RGS7: variants seen among roughly 807,000 people sequenced by gnomAD.
RGS7 encodes regulator of G protein signaling 7, also known as regulator of G-protein signaling 7.
RGS7 carries 27 observed loss-of-function variants against 81.1 expected under a neutral mutation model. The observed-to-expected ratio is 0.33, with a 90% CI of 0.25 to 0.46. RGS7 has a LOEUF of 0.46. RGS7 is among the 20% of genes least tolerant of loss of function. The pLI is 1.00. For synonymous variants in RGS7, 208 were observed against 207.7 expected, an observed-to-expected ratio of 1.00 and a Z score of -0.01; for missense variants, 396 against 607.4, an observed-to-expected ratio of 0.65 and a Z score of 3.66.
At position 241,207,182 on chromosome 1, in the gene RGS7, T is replaced by G. The variant is rs1433635565; in HGVS notation, c.79-108420A>C. Among the ~76,000 whole-genome samples the G allele has an allele frequency of 5.9e-5, 9 of 151,534 alleles. No individual in the cohort carries two copies. The Middle Eastern group carries it at 0.014, about 229-fold the overall frequency. Reference sequence around the variant, plus strand: ...CGGGGTTTCACCGTGTTAGCCAGGTTGGTCTCAATCTCCCGACCTCGTGAT... The same window carrying G: ...CGGGGTTTCACCGTGTTAGCCAGGTGGGTCTCAATCTCCCGACCTCGTGAT... On this transcript the variant is annotated intron_variant, in intron 2 of 18. Transcript: ENST00000440928.
At chr1:241,048,047 A>T (rs1371220699) in intron 3 of RGS7, among the ~76,000 whole-genome samples, 2 of 152,024 alleles carry the variant, frequency 1.3e-5, no homozygotes, top group East Asian at 3.9e-4. Context: ...GCCTGTTTAC[A>T]ATTCTTAATT....
chr1:241,082,203 T>C (rs759695275), intron 3 of RGS7, among the ~76,000 whole-genome samples: 5 of 152,194 alleles, frequency 3.3e-5, no homozygotes, highest in East Asian at 3.9e-4. Context: ...CCTTGAGATA[T>C]TGTAAGTCAA....
At chr1:240,992,178 T>C (rs1457007146) in intron 3 of RGS7, among the ~76,000 whole-genome samples, 2 of 152,170 alleles carry the variant, frequency 1.3e-5, no homozygotes, top group African/African-American at 4.8e-5. Context: ...TCATTAAAGA[T>C]TGACAAAATG....
At chr1:241,096,246 G>A (rs1398302269) in intron 3 of RGS7, among the ~76,000 whole-genome samples, 1 of 152,134 alleles carries the variant, frequency 6.6e-6, no homozygotes, top group Non-Finnish European at 1.5e-5. Flanking sequence ...TCCGTTGCGA[G>A]TTGGGCCACA....
intron 2 of RGS7, among the ~76,000 whole-genome samples, chr1:241,324,541 C>T (rs887337658): frequency 1.3e-5 from 2 of 152,090 alleles, no homozygotes; most frequent in African/African-American, 4.8e-5. Flanking sequence ...TTTTGCATTG[C>T]ATCAGAAGAA....
intron 18 of RGS7, among the ~76,000 whole-genome samples, chr1:240,777,014 A>G (rs1683051659): frequency 6.6e-6 from 1 of 152,192 alleles, no homozygotes; most frequent in African/African-American, 2.4e-5. Flanking sequence ...GAAATTTGAG[A>G]CCGGGCGCAG....
chr1:241,016,229 A>G (rs1032653165), intron 3 of RGS7, among the ~76,000 whole-genome samples: 2 of 152,152 alleles, frequency 1.3e-5, no homozygotes, highest in African/African-American at 4.8e-5. Flanking sequence ...ATTTTACATA[A>G]AAACTCATGT....
chr1:241,329,331 CTGTT>C (rs2081819960), intron 2 of RGS7, among the ~76,000 whole-genome samples: 1 of 152,130 alleles, frequency 6.6e-6, no homozygotes, highest in Non-Finnish European at 1.5e-5. Flanking sequence ...TGAGAAAAGT[CTGTT>C]TGAGTGGGAA....
chr1:241,248,749 C>G (rs555968717), intron 2 of RGS7, among the ~76,000 whole-genome samples: 6 of 152,110 alleles, frequency 3.9e-5, no homozygotes, highest in Admixed American at 6.5e-5. Flanking sequence ...GTTAGGGATT[C>G]AAACACGAGC....
chr1:241,156,822 C>G (rs1387958821), intron 2 of RGS7, among the ~76,000 whole-genome samples: 1 of 152,164 alleles, frequency 6.6e-6, no homozygotes, highest in African/African-American at 2.4e-5. Flanking sequence ...TCTGAAGATC[C>G]ATTCTGATTG....
At chr1:241,321,905 A>G (rs1020621853) in intron 2 of RGS7, among the ~76,000 whole-genome samples, 3 of 152,154 alleles carry the variant, frequency 2.0e-5, no homozygotes, top group Non-Finnish European at 4.4e-5. Flanking sequence ...ACTGGCTCCA[A>G]TCTGCCTTCA....
At chr1:241,102,377 T>C (rs1226516646) in intron 2 of RGS7, among the ~76,000 whole-genome samples, 1 of 152,018 alleles carries the variant, frequency 6.6e-6, no homozygotes, top group Non-Finnish European at 1.5e-5. Flanking sequence ...ATGGCCATGA[T>C]GGGATGGGGG....
At chr1:241,347,869 G>A (rs1208888410) in intron 2 of RGS7, among the ~76,000 whole-genome samples, 2 of 151,638 alleles carry the variant, frequency 1.3e-5, no homozygotes, top group South Asian at 2.1e-4. Flanking sequence ...ATGGTCTATG[G>A]TCTTCCTTTA....
At chr1:241,184,598 A>G (rs908262974) in intron 2 of RGS7, among the ~76,000 whole-genome samples, 1 of 152,218 alleles carries the variant, frequency 6.6e-6, no homozygotes, top group Non-Finnish European at 1.5e-5. Context: ...TTTGTTTCAT[A>G]AGGATGTAAC....
intron 3 of RGS7, among the ~76,000 whole-genome samples, chr1:241,087,677 G>A (rs564211726): frequency 7.9e-5 from 12 of 152,110 alleles, no homozygotes; most frequent in Admixed American, 7.2e-4. Flanking sequence ...GGCTGGGTGC[G>A]GTGGCTCAGG....
intron 2 of RGS7, among the ~76,000 whole-genome samples, chr1:241,238,966 CT>C (rs66468032): frequency 0.28 from 29,536 of 106,784 alleles, 3,746 homozygotes; most frequent in Middle Eastern, 0.37. Flanking sequence ...GCCTCTCTCT[CT>C]TTTTTTTTTT....
At chr1:240,991,756 T>A (rs754976776) in intron 3 of RGS7, among the ~76,000 whole-genome samples, 1 of 152,218 alleles carries the variant, frequency 6.6e-6, no homozygotes, top group Non-Finnish European at 1.5e-5. Context: ...ACTATGAATT[T>A]TGGGTCAGCT....
rs1213217599 is a variant in RGS7 at position 240,775,617 on chromosome 1, T to G, written c.*603A>C. 1.3e-5 allele frequency: 2 copies of G among 154,590 alleles called. No homozygotes were observed. Among genetic ancestry groups the G allele is most frequent in the Non-Finnish European group, 2.9e-5 (2 of 69,236 alleles). The allele number at this position is 154,590 out of a possible 1,614,324, so 9.6% of individuals were successfully genotyped here. A position where few individuals can be genotyped will look rare whatever the true frequency, so the allele number is the denominator to read the frequency against. ...ATACATTTGGAGTAAAAGGTGTTTC[T>G]TCTTTAAATATGGTATAAAAATAAA... On this transcript the variant is annotated 3_prime_UTR_variant, in exon 19 of 19. Coordinates refer to ENST00000440928, the MANE Select transcript of RGS7 (RefSeq NM_001364886.1).
intron 2 of RGS7, among the ~76,000 whole-genome samples, chr1:241,246,198 T>C (rs959823025): frequency 5.3e-5 from 8 of 151,924 alleles, no homozygotes; most frequent in Non-Finnish European, 1.2e-4. Flanking sequence ...CAATCAGAAA[T>C]TGACATTCCC....
Sources: gnomAD v4.1 joint callset for allele counts (sites outside exome capture counted in the v4.1 genomes callset) on GRCh38, gnomAD v4.1.1 for gene constraint, MANE v1.5 for transcripts, NCBI Gene and HGNC (gene_info 2026-07-23, HGNC 2026-07-21) for gene names.